Variants in HDLBP observed in about 807,000 individuals in gnomAD.
HDLBP encodes the protein high density lipoprotein binding protein.
Under a neutral mutation model 137.3 loss-of-function variants are expected in HDLBP, and 30 were observed. The ratio of observed to expected loss-of-function variants is 0.22; its 90% confidence interval spans 0.16 to 0.30. The LOEUF is 0.30. HDLBP is among the 10% of genes least tolerant of loss of function. The pLI is 1.00. For synonymous variants in HDLBP, 606 were observed against 596.0 expected (o/e 1.02, Z -0.24); for missense variants, 1,119 against 1,667.3 (o/e 0.67, Z 5.73).
intron 1 of HDLBP, among the ~76,000 whole-genome samples, chr2:241,288,617 G>A (rs1345414246): frequency 1.3e-5 from 2 of 152,106 alleles, no homozygotes; most frequent in Non-Finnish European, 2.9e-5. Context: ...ACAAACCACT[G>A]CTTCTAGGTG....
At chr2:241,235,074 G>T (rs1166874749) in intron 23 of HDLBP, 47 bp downstream of exon 23, 1 of 1,600,216 alleles carries the variant, frequency 6.2e-7, no homozygotes, top group South Asian at 1.1e-5. Context: ...TGTGCCCAAA[G>T]CTGAGCACCA....
intron 1 of HDLBP, among the ~76,000 whole-genome samples, chr2:241,301,428 A>T (rs1189770341): frequency 6.6e-6 from 1 of 152,220 alleles, no homozygotes; most frequent in Admixed American, 6.5e-5. Context: ...ATTAGAAAGC[A>T]TATCACGTAA....
At chr2:241,287,523 C>T (rs934515823) in intron 1 of HDLBP, among the ~76,000 whole-genome samples, 14 of 151,756 alleles carry the variant, frequency 9.2e-5, no homozygotes, top group African/African-American at 2.9e-4. Flanking sequence ...CAGGTTCAAG[C>T]GATTCTCCCA....
chr2:241,290,942 A>T (rs2074995753), intron 1 of HDLBP, among the ~76,000 whole-genome samples: 1 of 152,190 alleles, frequency 6.6e-6, no homozygotes, highest in Non-Finnish European at 1.5e-5. Context: ...GTGCCATGAA[A>T]ATGGCACTTA....
intron 1 of HDLBP, chr2:241,273,213 C>T (rs2074245433): frequency 1.3e-5 from 13 of 985,456 alleles, no homozygotes; most frequent in Non-Finnish European, 1.6e-5. Flanking sequence ...GATGGCCACA[C>T]TGGCACGAGG....
At chr2:241,253,176 T>C in intron 10 of HDLBP, 141 bp from the exon 11 acceptor site, 1 of 672,320 alleles carries the variant, frequency 1.5e-6, no homozygotes, top group Non-Finnish European at 2.7e-6. Context: ...GCATCTCCCC[T>C]GAAAGATGCC....
rs904896800 is a variant in HDLBP at position 241,239,675 on chromosome 2, T to C, written c.2537A>G (p.Lys846Arg). The change falls in exon 19 of 28, where the codon AAA becomes AGA. Residue 846 changes from lysine to arginine, a missense_variant. This residue lies in a region of HDLBP where 618 missense variants were observed against 816.7 expected (regional missense o/e 0.76). Transcript: ENST00000310931. The surrounding 1 kb of genome is among the most constrained non-coding windows in gnomAD (Gnocchi z 4.6). ...GTCCTTGGCGCCCTTGAGGGTGACT[T>C]TGTCGCTCTGTGTGCCAGAGCGTGG... ...SFPRSGTQSD[K>R]VTLKGAKDCV... 2 of 1,614,198 alleles carry C rather than the reference T, an allele frequency of 1.2e-6. No individual in the cohort carries two copies. Among genetic ancestry groups the C allele is most frequent in the Admixed American group, 1.7e-5 (1 of 60,028 alleles).
intron 3 of HDLBP, 130 bp downstream of exon 3, chr2:241,266,664 G>T: frequency 1.5e-6 from 1 of 687,226 alleles, no homozygotes; most frequent in Non-Finnish European, 2.6e-6. Flanking sequence ...TGCACAAGAT[G>T]TTGGACCCTC....
chr2:241,242,812 T>A, intron 16 of HDLBP, 134 bp from the exon 17 acceptor site: 1 of 775,916 alleles, frequency 1.3e-6, no homozygotes, highest in Non-Finnish European at 2.1e-6. Flanking sequence ...TTACAAGCAC[T>A]GACCAAACTT....
At chr2:241,245,916 G>C (rs2071631877) in intron 16 of HDLBP, among the ~76,000 whole-genome samples, 2 of 152,278 alleles carry the variant, frequency 1.3e-5, no homozygotes, top group South Asian at 4.2e-4. Context: ...GTGAAAGAGA[G>C]GTGACGTCAG....
chr2:241,246,989 A>G, intron 15 of HDLBP, 67 bp downstream of exon 15: 1 of 1,571,276 alleles, frequency 6.4e-7, no homozygotes, highest in Middle Eastern at 1.7e-4. Context: ...CTAGTCTAAA[A>G]CCAAAATGGT....
chr2:241,229,796 TC>T, intron 27 of HDLBP, 36 bp downstream of exon 27: 1 of 251,656 alleles, frequency 4.0e-6, no homozygotes, highest in Non-Finnish European at 7.5e-6. Flanking sequence ...CCGCCCACCC[TC>T]CCTGGGACCC....
chr2:241,266,887 C>A lies in HDLBP; in HGVS notation c.-18G>T, dbSNP rs200739003. 5.0e-6 allele frequency: 8 copies of A among 1,613,536 alleles called. No individual in the cohort carries two copies. In the East Asian group the frequency reaches 8.9e-5, roughly 18 times the overall value. On this transcript the variant is annotated 5_prime_UTR_variant, in exon 3 of 28. Coordinates refer to ENST00000310931, the MANE Select transcript of HDLBP (RefSeq NM_005336.6). ...GAACTCATGGTTGATCTCACACCTA[C>A]ACACAATCCGGGAAAACCACTAAAG...
chr2:241,312,203 A>G (rs934478507), intron 1 of HDLBP, among the ~76,000 whole-genome samples: 4 of 152,236 alleles, frequency 2.6e-5, no homozygotes, highest in Non-Finnish European at 4.4e-5. Flanking sequence ...TATGTAGTCA[A>G]TGTATTCTTA....
intron 20 of HDLBP, 33 bp from the exon 21 acceptor site, chr2:241,236,802 G>A (rs761066797): frequency 6.2e-7 from 1 of 1,607,894 alleles, no homozygotes; most frequent in South Asian, 1.1e-5. Flanking sequence ...ACAGCTGACA[G>A]CTGCTGGAAG....
chr2:241,290,615 G>A lies in HDLBP; in HGVS notation c.-102-22074C>T, dbSNP rs199735051. On this transcript the variant is annotated intron_variant, in intron 1 of 27. Coordinates refer to ENST00000310931, the MANE Select transcript of HDLBP (RefSeq NM_005336.6). ...ACAAGAACAAAACTCTGTCTCAAAG[G>A]AAAAAAAAAAAAATCAGACTCTAAA... Among the ~76,000 whole-genome samples the A allele has an allele frequency of 2.0e-4, 29 of 144,960 alleles. No homozygotes were observed. The East Asian group carries it at 3.2e-3, about 16-fold the overall frequency.
Position 241,280,581 on chromosome 2 carries a change from A to T in HDLBP, c.-102-12040T>A, listed in dbSNP as rs544911042. 7.8e-4 allele frequency among the ~76,000 whole-genome samples: 119 copies of T among 152,294 alleles called. 1 individual carries two copies. Among genetic ancestry groups the T allele is most frequent in the African/African-American group, 2.5e-3 (104 of 41,572 alleles). ...TCTGGCTTATTTCTTTGATTCACGT[A>T]TTTCTAGGTAAGGTGAAAATACGTA... On this transcript the variant is annotated intron_variant, in intron 1 of 27. Transcript: ENST00000310931.
At chr2:241,273,546 T>C (rs1574999387) in intron 1 of HDLBP, 1 of 945,314 alleles carries the variant, frequency 1.1e-6, no homozygotes, top group Middle Eastern at 5.4e-4. Context: ...CTGCATCCAT[T>C]GTGTTTACTA....
intron 1 of HDLBP, among the ~76,000 whole-genome samples, chr2:241,284,937 C>T (rs1320608820): frequency 6.6e-6 from 1 of 152,208 alleles, no homozygotes. Flanking sequence ...TGCAGTGGCA[C>T]AGTCTTGATC....
Sources: allele counts gnomAD v4.1 joint callset (sites outside exome capture counted in the v4.1 genomes callset), GRCh38; gene constraint gnomAD v4.1.1; regional missense constraint gnomAD v4.1.1; non-coding constraint Gnocchi (gnomAD v3.1); transcripts MANE v1.5; gene names NCBI Gene and HGNC (gene_info 2026-07-23, HGNC 2026-07-21).